The following CR1L variants were observed in gnomAD, a reference collection of about 807,000 sequenced individuals.
The protein encoded by CR1L is complement C3b/C4b receptor 1 like.
CR1L carries 59 observed loss-of-function variants against 62.3 expected under a neutral mutation model. The observed-to-expected ratio is 0.95, with a 90% CI of 0.77 to 1.18. The LOEUF (loss-of-function observed/expected upper bound fraction) is 1.18. Ranked by LOEUF, CR1L falls within the 50% of genes most tolerant of loss-of-function variation. CR1L has a pLI of 0.00. For missense variants in CR1L, 700 were observed against 702.8 expected, an observed-to-expected ratio of 1.00 and a Z score of 0.04; for synonymous variants, 279 against 248.7, an observed-to-expected ratio of 1.12 and a Z score of -1.15.
intron 9 of CR1L, among the ~76,000 whole-genome samples, chr1:207,707,926 G>T (rs1176978846): frequency 6.6e-6 from 1 of 152,094 alleles, no homozygotes; most frequent in Non-Finnish European, 1.5e-5. Context: ...TTTTATTTTG[G>T]TGCCAGGTAC....
Position 207,717,462 on chromosome 1 carries a change from A to G in CR1L, c.1415-2A>G. On this transcript the variant is annotated splice_acceptor_variant, in intron 10 of 11. Coordinates refer to ENST00000508064, the MANE Select transcript of CR1L (RefSeq NM_175710.2). LOFTEE classifies it high-confidence loss of function. The stretch of plus-strand genomic sequence containing the variant: ...ACTTAAAAGCTCTTGTTTTCTTTCT[A>G]GAAATCTTTTGTCCAAATCCTCCAG... The G allele has an allele frequency of 1.2e-6, 2 of 1,612,538 alleles. No individual in the cohort carries two copies. Among genetic ancestry groups the G allele is most frequent in the East Asian group, 4.5e-5 (2 of 44,882 alleles).
chr1:207,657,332 A>G (rs1663332971), intron 1 of CR1L: 1 of 951,710 alleles, frequency 1.1e-6, no homozygotes, highest in African/African-American at 1.6e-5. Flanking sequence ...TCACCTTTCA[A>G]TTTATTTCCT....
intron 11 of CR1L, among the ~76,000 whole-genome samples, chr1:207,718,791 A>T (rs1654066466): frequency 6.6e-6 from 1 of 152,032 alleles, no homozygotes; most frequent in Non-Finnish European, 1.5e-5. Context: ...TCATGCTGCT[A>T]TAAAGACACA....
chr1:207,657,563 G>A (rs915342005), intron 1 of CR1L, among the ~76,000 whole-genome samples: 2 of 152,112 alleles, frequency 1.3e-5, no homozygotes, highest in Middle Eastern at 3.4e-3. Flanking sequence ...ATCTGCATGA[G>A]TTAGAAGTTT....
chr1:207,706,723 A>G (rs1223738154), intron 9 of CR1L, among the ~76,000 whole-genome samples: 1 of 152,234 alleles, frequency 6.6e-6, no homozygotes, highest in Non-Finnish European at 1.5e-5. Context: ...ACATTAAAGA[A>G]TAAGCAAAGA....
At chr1:207,669,479 T>C in intron 1 of CR1L, 1 of 1,562,834 alleles carries the variant, frequency 6.4e-7, no homozygotes, top group East Asian at 2.3e-5. Flanking sequence ...CGGGAGCCTG[T>C]TGGGCAGCCG....
rs199980076 is a variant in CR1L, at chr1:207,645,284, T to A, written c.51T>A (p.Pro17=). Residue 17 remains proline, a synonymous_variant, in exon 1 of 12, where the codon CCT becomes CCA. Transcript: ENST00000508064. ...GTCCCTTTCCTTCCCGGCGCTTTCC[T>A]GGGTTGCTTCTGGCGGCCCTGGTGT... The part of the protein sequence containing the change: ...LERPFPSRRF[P]GLLLAALVLL... 188 of 1,613,824 alleles carry A rather than the reference T, an allele frequency of 1.2e-4. No homozygotes were observed. In the Middle Eastern group the frequency reaches 3.4e-3, roughly 29 times the overall value.
chr1:207,658,997 C>G (rs1008251354), intron 1 of CR1L: 2 of 152,372 alleles, frequency 1.3e-5, no homozygotes, highest in African/African-American at 4.8e-5. Flanking sequence ...CAGTGCTGAC[C>G]CGCATGATGG....
At chr1:207,707,212 G>A (rs1664280906) in intron 9 of CR1L, among the ~76,000 whole-genome samples, 1 of 152,146 alleles carries the variant, frequency 6.6e-6, no homozygotes, top group South Asian at 2.1e-4. Context: ...GAATAGCAAG[G>A]AATGCATTTG....
chr1:207,668,643 T>A (rs1007508319), intron 1 of CR1L, among the ~76,000 whole-genome samples: 2 of 151,076 alleles, frequency 1.3e-5, no homozygotes, highest in Non-Finnish European at 2.9e-5. Context: ...TCCATATTCA[T>A]TGCTAATCCT....
chr1:207,702,105 A>G (rs1473567051), intron 9 of CR1L, among the ~76,000 whole-genome samples: 1 of 152,178 alleles, frequency 6.6e-6, no homozygotes, highest in Non-Finnish European at 1.5e-5. Context: ...GTCAGTTGGC[A>G]TCATTTATCC....
At chr1:207,683,566 C>T (rs1237116413) in intron 3 of CR1L, among the ~76,000 whole-genome samples, 1 of 152,152 alleles carries the variant, frequency 6.6e-6, no homozygotes, top group Non-Finnish European at 1.5e-5. Flanking sequence ...CTTCCCTGCA[C>T]TCAAGAAGCT....
chr1:207,662,693 G>T (rs925119546), intron 1 of CR1L, among the ~76,000 whole-genome samples: 3 of 152,208 alleles, frequency 2.0e-5, no homozygotes, highest in Non-Finnish European at 2.9e-5. Context: ...CTGGTGAGGA[G>T]CTGCGTTCCT....
chr1:207,703,113 C>A (rs1224617287), intron 9 of CR1L, among the ~76,000 whole-genome samples: 1 of 152,126 alleles, frequency 6.6e-6, no homozygotes, highest in Non-Finnish European at 1.5e-5. Flanking sequence ...CAAGGTGAAG[C>A]AACAAGTGCT....
chr1:207,691,700 G>C (rs1663998432), intron 4 of CR1L, among the ~76,000 whole-genome samples: 1 of 151,936 alleles, frequency 6.6e-6, no homozygotes. Flanking sequence ...AGACATCCTT[G>C]ATTTACTATA....
At chr1:207,682,742 C>T (rs576466363) in intron 3 of CR1L, among the ~76,000 whole-genome samples, 4 of 152,290 alleles carry the variant, frequency 2.6e-5, no homozygotes, top group Non-Finnish European at 4.4e-5. Context: ...AAGTTTGAGC[C>T]TACCCTCACT....
At chr1:207,712,555 T>C (rs946267410) in intron 10 of CR1L, among the ~76,000 whole-genome samples, 1 of 152,184 alleles carries the variant, frequency 6.6e-6, no homozygotes, top group African/African-American at 2.4e-5. Context: ...AAATCCTGCA[T>C]GGTGAGCATA....
intron 10 of CR1L, chr1:207,708,789 TAATCCTGGGTTTAGTGATGGTGTGAGGA>T (rs1458818715): frequency 2.2e-6 from 1 of 453,274 alleles, no homozygotes; most frequent in East Asian, 7.0e-5. Flanking sequence ...AAAATGTGTA[TAATCCTGGGTTTAGTGATGGTGTGAGGA>T]AATCAGCAAT....
chr1:207,679,873 T>C (rs1295539690), intron 3 of CR1L, among the ~76,000 whole-genome samples: 1 of 152,154 alleles, frequency 6.6e-6, no homozygotes, highest in Non-Finnish European at 1.5e-5. Context: ...CTATATAGTA[T>C]ATGATTCCAA....
Sources: allele counts gnomAD v4.1 joint callset (sites outside exome capture counted in the v4.1 genomes callset), GRCh38; gene constraint gnomAD v4.1.1; transcripts MANE v1.5; gene names NCBI Gene and HGNC (gene_info 2026-07-23, HGNC 2026-07-21).